Variants in DNAJB6 observed in about 807,000 individuals in gnomAD.
DNAJB6 encodes the protein dnaJ homolog subfamily B member 6.
Under a neutral mutation model 42.7 loss-of-function variants are expected in DNAJB6, and 16 were observed. The observed-to-expected ratio is 0.37, with a 90% confidence interval of 0.25 to 0.57. DNAJB6 has a LOEUF of 0.57. Ranked by LOEUF, DNAJB6 falls within the 20% of genes least tolerant of loss-of-function variation. DNAJB6 has a pLI of 0.74. For synonymous variants in DNAJB6, 170 were observed against 163.5 expected (o/e 1.04, Z -0.30); for missense variants, 347 against 416.8 (o/e 0.83, Z 1.46).
At chr7:157,392,908 A>T (rs968281964) in intron 8 of DNAJB6, among the ~76,000 whole-genome samples, 1 of 152,222 alleles carries the variant, frequency 6.6e-6, no homozygotes, top group African/African-American at 2.4e-5. Flanking sequence ...ATGGAAAACC[A>T]GGAAGTCGGT....
intron 1 of DNAJB6, among the ~76,000 whole-genome samples, chr7:157,357,264 G>GTCCT (rs1205530621): frequency 2.6e-5 from 1 of 38,152 alleles, no homozygotes; most frequent in African/African-American, 8.3e-5. Context: ...CCTTCCTTCC[G>GTCCT]TCCTTCCTTC....
At chr7:157,350,864 A>G (rs759939335) in intron 1 of DNAJB6, among the ~76,000 whole-genome samples, 4 of 150,580 alleles carry the variant, frequency 2.7e-5, no homozygotes, top group Non-Finnish European at 4.4e-5. Flanking sequence ...GGCCAGAGAC[A>G]ACAACTTTTT....
intron 1 of DNAJB6, among the ~76,000 whole-genome samples, chr7:157,354,972 T>C (rs1310014833): frequency 6.6e-6 from 1 of 152,194 alleles, no homozygotes; most frequent in Non-Finnish European, 1.5e-5. Context: ...GACATCCAAG[T>C]GGCTGTGTCA....
intron 5 of DNAJB6, among the ~76,000 whole-genome samples, chr7:157,368,148 TTTCTC>T (rs1342469170): frequency 6.6e-6 from 1 of 152,162 alleles, no homozygotes; most frequent in East Asian, 1.9e-4. Context: ...TGTAAAATCT[TTTCTC>T]TTCTTCCTCT....
chr7:157,385,085 A>G, intron 7 of DNAJB6, 77 bp downstream of exon 7: 1 of 1,471,366 alleles, frequency 6.8e-7, no homozygotes, highest in South Asian at 1.3e-5. Flanking sequence ...CACGTCTCCC[A>G]GAGTGTGAAG....
intron 8 of DNAJB6, among the ~76,000 whole-genome samples, chr7:157,399,510 G>A (rs752745802): frequency 2.0e-5 from 3 of 152,190 alleles, no homozygotes; most frequent in Admixed American, 6.5e-5. Context: ...CTCAGTGCTG[G>A]GATGGCGGCA....
Position 157,366,484 on chromosome 7 carries a change from T to C in DNAJB6, c.176-18T>C. ...TTAAAAGGAACTTGGCCTTACCGAC[T>C]TTTCTTTCAATTTTTAGCTAAGAAA... On this transcript the variant is annotated intron_variant, in intron 3 of 9. Coordinates refer to ENST00000262177, the MANE Select transcript of DNAJB6 (RefSeq NM_058246.4). 1 of 1,613,482 alleles carries C rather than the reference T, an allele frequency of 6.2e-7. No homozygotes were observed.
rs1307729983 is a variant in DNAJB6, at chr7:157,351,654, ACAAC to A, written c.-26-6892_-26-6889del. 1.3e-3 allele frequency among the ~76,000 whole-genome samples: 143 copies of A among 113,012 alleles called. 1 individual carries two copies. The highest frequency in any genetic ancestry group is 2.0e-3 in the Admixed American group (20 of 10,146). The allele number at this position is 113,012 out of a possible 152,430, so 74.1% of individuals were successfully genotyped here. On this transcript the variant is annotated intron_variant, in intron 1 of 9. Coordinates refer to ENST00000262177, the MANE Select transcript of DNAJB6 (RefSeq NM_058246.4). The stretch of plus-strand genomic sequence containing the variant: ...TCTCAAAACAACAACAACAACAACA[ACAAC>A]AACAAAAAAAACCACAAAACTTGTT...
intron 1 of DNAJB6, among the ~76,000 whole-genome samples, chr7:157,343,398 G>C (rs1302283179): frequency 2.0e-5 from 3 of 152,058 alleles, no homozygotes; most frequent in Non-Finnish European, 4.4e-5. Flanking sequence ...CAGGTGATCT[G>C]CGTGCCTCGG....
chr7:157,372,320 T>C (rs1339350548), intron 5 of DNAJB6: 2 of 152,918 alleles, frequency 1.3e-5, no homozygotes, highest in East Asian at 1.9e-4. Context: ...CTGCACAGGA[T>C]GTAACTGGGG....
intron 8 of DNAJB6, among the ~76,000 whole-genome samples, chr7:157,397,611 C>A (rs1039173574): frequency 1.3e-5 from 2 of 152,244 alleles, no homozygotes; most frequent in Admixed American, 1.3e-4. Flanking sequence ...CCAGTGCCAC[C>A]ATCCCTCTCC....
chr7:157,400,087 A>T (rs147258111), intron 8 of DNAJB6, among the ~76,000 whole-genome samples: 1 of 152,330 alleles, frequency 6.6e-6, no homozygotes, highest in East Asian at 1.9e-4. Context: ...TTGTAAAGCC[A>T]AAACATGAAG....
intron 2 of DNAJB6, among the ~76,000 whole-genome samples, chr7:157,362,314 A>G (rs1009405606): frequency 6.6e-6 from 1 of 152,166 alleles, no homozygotes; most frequent in Non-Finnish European, 1.5e-5. Flanking sequence ...GAATCAGAAC[A>G]TGGAAGGATA....
chr7:157,403,922 G>A (rs180786684), intron 8 of DNAJB6, among the ~76,000 whole-genome samples: 156 of 152,300 alleles, frequency 1.0e-3, no homozygotes, highest in Admixed American at 1.6e-3. Context: ...GTTGAGTGAG[G>A]GGCACTGGCT....
At chr7:157,404,466 CTTT>C (rs55793060) in intron 8 of DNAJB6, among the ~76,000 whole-genome samples, 10,135 of 103,126 alleles carry the variant, frequency 0.098, 494 homozygotes, top group East Asian at 0.18. Context: ...TAATTTTTGT[CTTT>C]TTTTTTTTTT....
intron 3 of DNAJB6, among the ~76,000 whole-genome samples, chr7:157,363,848 C>G (rs1799723507): frequency 6.6e-6 from 1 of 152,056 alleles, no homozygotes; most frequent in African/African-American, 2.4e-5. Context: ...GGTCAGAGGT[C>G]AGCTGTCGCC....
intron 8 of DNAJB6, among the ~76,000 whole-genome samples, chr7:157,387,768 C>CT (rs1315332303): frequency 1.3e-5 from 2 of 152,002 alleles, no homozygotes; most frequent in Non-Finnish European, 2.9e-5. Context: ...CCTAAGGAAT[C>CT]TTTCTTGTGA....
At chr7:157,382,623 G>C in intron 6 of DNAJB6, 1 of 281,482 alleles carries the variant, frequency 3.6e-6, no homozygotes, top group Non-Finnish European at 6.5e-6. Context: ...AGAATGTAAT[G>C]AAATTCTTAG....
chr7:157,388,785 CAAT>C (rs1186360242), intron 8 of DNAJB6, among the ~76,000 whole-genome samples: 1 of 152,012 alleles, frequency 6.6e-6, no homozygotes, highest in Non-Finnish European at 1.5e-5. Flanking sequence ...CTGGAGGGCT[CAAT>C]AATCTGTATT....
Sources: allele counts gnomAD v4.1 joint callset (sites outside exome capture counted in the v4.1 genomes callset), GRCh38; gene constraint gnomAD v4.1.1; transcripts MANE v1.5; gene names NCBI Gene and HGNC (gene_info 2026-07-23, HGNC 2026-07-21).